COMMD1: variants seen among roughly 807,000 people sequenced by gnomAD.
COMMD1 encodes copper metabolism domain containing 1, also known as COMM domain-containing protein 1.
Under a neutral mutation model 17.2 loss-of-function variants are expected in COMMD1, and 10 were observed. The observed-to-expected ratio is 0.58, with a 90% CI of 0.36 to 0.99. The LOEUF is 0.99. Ranked by LOEUF, COMMD1 falls within the 50% of genes least tolerant of loss-of-function variation. COMMD1 has a pLI of 0.01. For synonymous variants in COMMD1, 97 were observed against 91.6 expected (o/e 1.06, Z -0.34); for missense variants, 270 against 231.8 (o/e 1.17, Z -1.07).
Position 62,023,473 on chromosome 2 carries a change from A to G in COMMD1, c.462+22491A>G, listed in dbSNP as rs1028778576. ...GATTCTACAAATATTTATATATGCA[A>G]ATATTTACTGTGGATTTTTTTTTTT... On this transcript the variant is annotated intron_variant, in intron 2 of 2. Transcript: ENST00000311832. Among the ~76,000 whole-genome samples, 5 of 151,752 alleles carry G rather than the reference A, an allele frequency of 3.3e-5. No homozygotes were observed. In the East Asian group the frequency reaches 9.6e-4, roughly 29 times the overall value.
At chr2:61,977,849 G>T (rs979953393) in intron 1 of COMMD1, among the ~76,000 whole-genome samples, 3 of 151,238 alleles carry the variant, frequency 2.0e-5, no homozygotes, top group East Asian at 2.0e-4. Flanking sequence ...TAGCCCAGGG[G>T]GTGGTGGTGT....
intron 2 of COMMD1, among the ~76,000 whole-genome samples, chr2:62,099,277 G>A (rs1485285925): frequency 2.6e-5 from 4 of 152,016 alleles, no homozygotes; most frequent in Non-Finnish European, 2.9e-5. Flanking sequence ...CAAGCTTATC[G>A]TTTCCTCTTT....
In COMMD1 at chr2:61,951,947, A is replaced by T. The variant is rs539011886; in HGVS notation, c.180+46089A>T. On this transcript the variant is annotated intron_variant, in intron 1 of 2. Coordinates refer to ENST00000311832, the MANE Select transcript of COMMD1 (RefSeq NM_152516.4). ...GCATAATTATTCTTGAGATTCATTC[A>T]TGTTTCTTGTATCAATAGTTCATTC... Among the ~76,000 whole-genome samples, 4 of 152,320 alleles carry T rather than the reference A, an allele frequency of 2.6e-5. 1 individual carries two copies. The South Asian group carries it at 8.3e-4, about 32-fold the overall frequency.
Position 61,925,032 on chromosome 2 carries a change from G to A in COMMD1, c.180+19174G>A, listed in dbSNP as rs915682900. On this transcript the variant is annotated intron_variant, in intron 1 of 2. Coordinates refer to ENST00000311832, the MANE Select transcript of COMMD1 (RefSeq NM_152516.4). ...AGACAGACGGTCAAGGGTTCCGGGGGCAAGGCAACAGTCTCTTCACTCACC... is the reference window on the plus strand; with the variant it reads ...AGACAGACGGTCAAGGGTTCCGGGGACAAGGCAACAGTCTCTTCACTCACC... Among the ~76,000 whole-genome samples, 11 of 152,172 alleles carry A rather than the reference G, an allele frequency of 7.2e-5. No individual in the cohort carries two copies. The East Asian group carries it at 1.9e-3, about 27-fold the overall frequency.
chr2:61,890,988 T>G (rs1419700831), intron 1 of COMMD1, among the ~76,000 whole-genome samples: 1 of 152,114 alleles, frequency 6.6e-6, no homozygotes, highest in Non-Finnish European at 1.5e-5. Flanking sequence ...TGGAAACAAG[T>G]GGGTGATGAG....
At chr2:61,918,945 T>C (rs1670115309) in intron 1 of COMMD1, among the ~76,000 whole-genome samples, 1 of 152,234 alleles carries the variant, frequency 6.6e-6, no homozygotes, top group Non-Finnish European at 1.5e-5. Context: ...TTCAAGTAAA[T>C]GTTTAAAACA....
chr2:62,013,167 C>CT (rs1181558184), intron 2 of COMMD1, among the ~76,000 whole-genome samples: 1 of 151,830 alleles, frequency 6.6e-6, no homozygotes, highest in Non-Finnish European at 1.5e-5. Flanking sequence ...GAAAATATCA[C>CT]TAAGGTTGGA....
chr2:61,963,176 A>G (rs1671407861), intron 1 of COMMD1, among the ~76,000 whole-genome samples: 1 of 142,684 alleles, frequency 7.0e-6, no homozygotes. Context: ...AAAAATATAT[A>G]TATATATATT....
intron 1 of COMMD1, among the ~76,000 whole-genome samples, chr2:61,995,301 C>G (rs1464314821): frequency 1.3e-5 from 2 of 152,148 alleles, no homozygotes; most frequent in Admixed American, 1.3e-4. Context: ...GTTACCTAGC[C>G]TTTAGTGGCC....
intron 2 of COMMD1, among the ~76,000 whole-genome samples, chr2:62,112,740 C>G (rs1211329771): frequency 1.3e-5 from 2 of 152,156 alleles, no homozygotes. Context: ...TCCCCAAGGT[C>G]ACACAGCTAA....
chr2:61,969,135 G>GT (rs1300941544), intron 1 of COMMD1: 24 of 285,910 alleles, frequency 8.4e-5, no homozygotes, highest in South Asian at 1.1e-4. Flanking sequence ...TTATATGTAG[G>GT]TTTTTTTTGT....
At chr2:61,998,163 T>C (rs945089614) in intron 1 of COMMD1, among the ~76,000 whole-genome samples, 1 of 152,178 alleles carries the variant, frequency 6.6e-6, no homozygotes, top group Admixed American at 6.6e-5. Flanking sequence ...AGGTTTTGGC[T>C]TATGGGAATG....
exon 1 of COMMD1, chr2:61,888,833 A>C: frequency 2.6e-6 from 1 of 384,012 alleles, no homozygotes; most frequent in Non-Finnish European, 4.7e-6. Context: ...CGCGATTTTA[A>C]AGGCGAGTGG....
intron 1 of COMMD1, among the ~76,000 whole-genome samples, chr2:61,990,939 C>CACACACACACAT (rs1672236378): frequency 6.7e-6 from 1 of 149,614 alleles, no homozygotes; most frequent in Admixed American, 6.7e-5. Context: ...CACACACACA[C>CACACACACACAT]ATAATGCCAG....
At chr2:62,055,324 GTT>G (rs897455797) in intron 2 of COMMD1, 94 of 420,916 alleles carry the variant, frequency 2.2e-4, no homozygotes, top group African/African-American at 1.8e-3. Flanking sequence ...AAAAGGAAGA[GTT>G]TATTTGAAAA....
At chr2:61,984,643 G>A (rs1299369399) in intron 1 of COMMD1, among the ~76,000 whole-genome samples, 1 of 152,178 alleles carries the variant, frequency 6.6e-6, no homozygotes, top group African/African-American at 2.4e-5. Context: ...AGCCATTGGA[G>A]GAAATGTTCT....
At chr2:62,008,357 G>C (rs1017841541) in intron 2 of COMMD1, among the ~76,000 whole-genome samples, 8 of 146,058 alleles carry the variant, frequency 5.5e-5, no homozygotes, top group South Asian at 2.1e-4. Flanking sequence ...CACACACACA[G>C]ACAGACACAC....
At chr2:61,913,165 G>C (rs547995027) in intron 1 of COMMD1, among the ~76,000 whole-genome samples, 1 of 151,978 alleles carries the variant, frequency 6.6e-6, no homozygotes, top group African/African-American at 2.4e-5. Context: ...CCAGGAGTTC[G>C]AGGCCACCCT....
intron 1 of COMMD1, among the ~76,000 whole-genome samples, chr2:61,978,820 C>T (rs1257710718): frequency 6.6e-6 from 1 of 151,818 alleles, no homozygotes; most frequent in Non-Finnish European, 1.5e-5. Flanking sequence ...AAGACTTGAG[C>T]CAGAAAATTG....
Sources: gnomAD v4.1 joint callset for allele counts (sites outside exome capture counted in the v4.1 genomes callset) on GRCh38, gnomAD v4.1.1 for gene constraint, MANE v1.5 for transcripts, NCBI Gene and HGNC (gene_info 2026-07-23, HGNC 2026-07-21) for gene names.